Variants in ZNF91 observed in about 807,000 individuals in gnomAD.
ZNF91 encodes zinc finger protein 91 (HPF7, HTF10).
A neutral mutation model predicts 12.6 loss-of-function variants in ZNF91; 7 were observed. That is an observed-to-expected ratio of 0.55 (90% CI 0.31 to 1.04). ZNF91 has a LOEUF of 1.04. ZNF91 is among the 50% of genes least tolerant of loss of function. ZNF91 has a pLI of 0.05. For synonymous variants in ZNF91, 453 were observed against 462.6 expected, an observed-to-expected ratio of 0.98 and a Z score of 0.27; for missense variants, 1,217 against 1,385.4, an observed-to-expected ratio of 0.88 and a Z score of 1.93.
At chr19:23,393,417 A>G (rs1970134072) in intron 1 of ZNF91, among the ~76,000 whole-genome samples, 1 of 152,176 alleles carries the variant, frequency 6.6e-6, no homozygotes, top group Non-Finnish European at 1.5e-5. Context: ...TCTAGCACAC[A>G]TAGCCATGGT....
At chr19:23,355,555 T>G (rs1271022760), downstream of ZNF91, among the ~76,000 whole-genome samples, 1 of 152,112 alleles carries the variant, frequency 6.6e-6, no homozygotes, top group African/African-American at 2.4e-5. Context: ...AAAAATTTCA[T>G]GACCAAAAAC....
At position 23,361,223 on chromosome 19, in the gene ZNF91, AATG is replaced by A. The variant is rs758056118; in HGVS notation, c.1753_1755del (p.His585del). On this transcript the variant is annotated inframe_deletion, in exon 4 of 4. Coordinates refer to ENST00000300619, the MANE Select transcript of ZNF91 (RefSeq NM_003430.4). ...ATCTTATGTGTAGAAAGACTTGAGG[AATG>A]ATTAAAAGCTTTGCCACATTCTTCA... 7 of 1,613,376 alleles carry A rather than the reference AATG, an allele frequency of 4.3e-6. No homozygotes were observed. The highest frequency in any genetic ancestry group is 5.9e-6 in the Non-Finnish European group (7 of 1,179,768).
At position 23,395,391 on chromosome 19, in the gene ZNF91, G is replaced by A. The variant is rs1970201658; in HGVS notation, c.-37C>T. 6.2e-7 allele frequency: 1 copy of A among 1,612,136 alleles called. No homozygotes were observed. The highest frequency in any genetic ancestry group is 8.5e-7 in the Non-Finnish European group (1 of 1,178,964). ...CTCTCCAATACCTGCAGGTCACAGG[G>A]CCACACAGGCTGGGCCTCCTGGAGC... On this transcript the variant is annotated 5_prime_UTR_variant, in exon 1 of 4. Coordinates refer to ENST00000300619, the MANE Select transcript of ZNF91 (RefSeq NM_003430.4).
intron 3 of ZNF91, among the ~76,000 whole-genome samples, chr19:23,370,901 A>G (rs1378891536): frequency 6.6e-6 from 1 of 152,244 alleles, no homozygotes; most frequent in Admixed American, 6.5e-5. Context: ...GAAAAAATAA[A>G]GAATTATAAA....
At chr19:23,352,369 T>C (rs1171245621) in intron 3 of ZNF91, among the ~76,000 whole-genome samples, 1 of 152,032 alleles carries the variant, frequency 6.6e-6, no homozygotes, top group Non-Finnish European at 1.5e-5. Flanking sequence ...CCATCCCCCA[T>C]AGCAGCCGCA....
intron 1 of ZNF91, among the ~76,000 whole-genome samples, chr19:23,323,431 C>T (rs559845958): frequency 1.4e-4 from 21 of 149,914 alleles, no homozygotes; most frequent in African/African-American, 4.9e-4. Flanking sequence ...CCTCCTTCTC[C>T]CCATTCTTTT....
At chr19:23,310,556 T>C (rs972062787) in exon 1 of ZNF91, 1 of 152,200 alleles carries the variant, frequency 6.6e-6, no homozygotes, top group South Asian at 2.1e-4. Flanking sequence ...ACCTAGAATT[T>C]GGACCTTTGT....
At chr19:23,365,721 G>C (rs557069970) in intron 3 of ZNF91, among the ~76,000 whole-genome samples, 8 of 152,108 alleles carry the variant, frequency 5.3e-5, no homozygotes, top group African/African-American at 1.9e-4. Flanking sequence ...GCGGCCTTCC[G>C]CAGTGTTTGT....
At chr19:23,367,403 CA>C (rs982743665) in intron 3 of ZNF91, among the ~76,000 whole-genome samples, 58 of 151,840 alleles carry the variant, frequency 3.8e-4, no homozygotes, top group African/African-American at 1.1e-3. Context: ...CTGAAAAATC[CA>C]AAAATACATG....
chr19:23,366,814 G>A (rs900690007), intron 3 of ZNF91, among the ~76,000 whole-genome samples: 4 of 152,132 alleles, frequency 2.6e-5, no homozygotes, highest in Non-Finnish European at 5.9e-5. Flanking sequence ...TACCAGGTCC[G>A]ACATCTAACA....
At chr19:23,382,864 T>C (rs1196775065) in intron 1 of ZNF91, among the ~76,000 whole-genome samples, 1 of 152,070 alleles carries the variant, frequency 6.6e-6, no homozygotes, top group Non-Finnish European at 1.5e-5. Flanking sequence ...CTGTAATAAA[T>C]AGCCTACCAA....
chr19:23,339,942 C>CAAAAAA (rs71163488), intron 3 of ZNF91: 1 of 98,182 alleles, frequency 1.0e-5, no homozygotes, highest in Non-Finnish European at 2.2e-5. Flanking sequence ...AAACCTATCT[C>CAAAAAA]AAAAAAAAAA....
At chr19:23,320,126 G>A (rs190424422) in intron 1 of ZNF91, among the ~76,000 whole-genome samples, 2 of 152,142 alleles carry the variant, frequency 1.3e-5, no homozygotes, top group Non-Finnish European at 2.9e-5. Flanking sequence ...AATCTCACAC[G>A]TAGACACAGT....
chr19:23,390,914 G>A (rs1970045572), intron 1 of ZNF91, among the ~76,000 whole-genome samples: 1 of 152,174 alleles, frequency 6.6e-6, no homozygotes, highest in South Asian at 2.1e-4. Flanking sequence ...CCATTGATAG[G>A]CATTCAAGTT....
chr19:23,339,589 A>G (rs1968082265), intron 3 of ZNF91: 1 of 152,230 alleles, frequency 6.6e-6, no homozygotes, highest in Admixed American at 6.5e-5. Context: ...CAGAAACTAT[A>G]AATTTACAAA....
At chr19:23,330,120 C>T (rs1967902531) in intron 1 of ZNF91, among the ~76,000 whole-genome samples, 1 of 152,110 alleles carries the variant, frequency 6.6e-6, no homozygotes, top group South Asian at 2.1e-4. Context: ...CACCTGATGT[C>T]AGGAGTTCGA....
chr19:23,346,895 T>C (rs1968245086), intron 3 of ZNF91, among the ~76,000 whole-genome samples: 1 of 152,192 alleles, frequency 6.6e-6, no homozygotes, highest in Non-Finnish European at 1.5e-5. Context: ...TATGCTCTAT[T>C]CATAGAAGCT....
intron 1 of ZNF91, among the ~76,000 whole-genome samples, chr19:23,383,567 A>G (rs1045528009): frequency 1.3e-5 from 2 of 152,100 alleles, no homozygotes; most frequent in Non-Finnish European, 2.9e-5. Context: ...GGGTGCCTGT[A>G]ATCCCAGCTA....
intron 1 of ZNF91, among the ~76,000 whole-genome samples, chr19:23,321,305 G>A (rs938161802): frequency 5.9e-5 from 9 of 152,236 alleles, no homozygotes; most frequent in Non-Finnish European, 1.2e-4. Context: ...GTGGCATATC[G>A]CTGGGACTTG....
Sources: allele counts gnomAD v4.1 joint callset (sites outside exome capture counted in the v4.1 genomes callset), GRCh38; gene constraint gnomAD v4.1.1; transcripts MANE v1.5; gene names NCBI Gene and HGNC (gene_info 2026-07-23, HGNC 2026-07-21).